The following SYNM variants were observed in gnomAD, a reference collection of about 807,000 sequenced individuals.
The protein encoded by SYNM is desmuslin.
SYNM carries 95 observed loss-of-function variants against 104.0 expected under a neutral mutation model. The ratio of observed to expected loss-of-function variants is 0.91; its 90% CI spans 0.77 to 1.08. The LOEUF (loss-of-function observed/expected upper bound fraction) is 1.08, where lower values mean the gene tolerates loss of function less well. SYNM is among the 50% of genes least tolerant of loss of function. The probability of loss-of-function intolerance (pLI) is 0.00; values close to 1 mark genes in which losing one functional copy is unlikely to be tolerated. For synonymous variants in SYNM, 918 were observed against 869.0 expected (o/e 1.06, Z -0.99); for missense variants, 2,150 against 2,052.2 (o/e 1.05, Z -0.92).
chr15:99,113,342 A>G (rs2067317071), intron 1 of SYNM, among the ~76,000 whole-genome samples: 1 of 152,238 alleles, frequency 6.6e-6, no homozygotes, highest in Admixed American at 6.5e-5. Flanking sequence ...CATTATTAAT[A>G]GAGAGTCTGA....
intron 2 of SYNM, 53 bp downstream of exon 2, chr15:99,113,768 C>T: frequency 6.2e-7 from 1 of 1,601,636 alleles, no homozygotes; most frequent in Non-Finnish European, 8.5e-7. Flanking sequence ...GTGTAACTTG[C>T]ACATGAAGGA....
the SYNM span, chr15:99,140,815 A>G: frequency 6.6e-6 from 1 of 152,240 alleles, no homozygotes; most frequent in African/African-American, 2.4e-5. Context: ...AAGACAAGCC[A>G]CGCTGAGGAA....
intron 2 of SYNM, among the ~76,000 whole-genome samples, chr15:99,117,635 A>G (rs1397575898): frequency 6.6e-6 from 1 of 152,114 alleles, no homozygotes; most frequent in Non-Finnish European, 1.5e-5. Flanking sequence ...TGCCTTTGGA[A>G]TTTTGAGCTC....
At chr15:99,138,957 G>A (rs1468588844), downstream of SYNM, among the ~76,000 whole-genome samples, 2 of 152,174 alleles carry the variant, frequency 1.3e-5, no homozygotes, top group Admixed American at 6.5e-5. Context: ...TGAACCTTCC[G>A]GCTCCAGTCC....
At chr15:99,114,916 TG>T (rs1256202063) in intron 2 of SYNM, among the ~76,000 whole-genome samples, 4 of 152,302 alleles carry the variant, frequency 2.6e-5, no homozygotes, top group African/African-American at 9.6e-5. Context: ...GAGACCCAGT[TG>T]CCCAACTTCA....
At chr15:99,122,152 T>C (rs1235464560) in intron 2 of SYNM, among the ~76,000 whole-genome samples, 1 of 152,166 alleles carries the variant, frequency 6.6e-6, no homozygotes, top group African/African-American at 2.4e-5. Flanking sequence ...TCAAAAAATA[T>C]TGTGTGTGCT....
intron 2 of SYNM, among the ~76,000 whole-genome samples, chr15:99,121,633 G>A (rs1394038549): frequency 6.6e-6 from 1 of 152,200 alleles, no homozygotes; most frequent in Non-Finnish European, 1.5e-5. Context: ...GTGAAGACCT[G>A]GTCCAGATCC....
rs1454399481 is a variant in SYNM, at chr15:99,105,849, A to C, written c.650A>C (p.Gln217Pro). The part of the protein sequence containing the change: ...RELEEALRRG[Q>P]ESRLQAEEET... The stretch of plus-strand genomic sequence containing the variant: ...CTGGAGGAGGCGCTGCGGCGCGGCC[A>C]GGAGAGCAGACTCCAGGCGGAGGAA... Residue 217 changes from glutamine to proline, a missense_variant, in exon 1 of 4, where the codon CAG becomes CCG. Transcript: ENST00000336292. 59 of 1,541,880 alleles carry C rather than the reference A, an allele frequency of 3.8e-5. No homozygotes were observed. Among genetic ancestry groups the C allele is most frequent in the African/African-American group, 8.3e-5 (6 of 72,144 alleles).
intron 2 of SYNM, 37 bp from the exon 3 acceptor site, chr15:99,126,685 T>G (rs782472497): frequency 1.9e-6 from 3 of 1,543,868 alleles, no homozygotes; most frequent in African/African-American, 2.7e-5. Context: ...TACTCTTTCG[T>G]TTCCTAATGA....
Position 99,133,098 on chromosome 15 carries a change from A to G in SYNM, c.*40A>G, listed in dbSNP as rs1555486298. The G allele has an allele frequency of 6.2e-7, 1 of 1,601,632 alleles. No homozygotes were observed. The highest frequency in any genetic ancestry group is 1.1e-5 in the South Asian group (1 of 89,636). On this transcript the variant is annotated 3_prime_UTR_variant, in exon 4 of 4. Coordinates refer to ENST00000336292, the MANE Select transcript of SYNM (RefSeq NM_145728.3). ...TTGTTTTAATGGCAGCCTGTTGGCG[A>G]CGTGCCAACATCCAAAGGCCTTAAC... is the stretch of plus-strand genomic sequence containing the variant.
rs1555486012 is a variant in SYNM at position 99,131,972 on chromosome 15, A to G, written c.3612A>G (p.Glu1204=). ...GTCCAGAGGCATGGGGCTCGCCAGA[A>G]CCTGGCCCAGCAGAGTCTTCTGCAG... ...PACPEAWGSP[E]PGPAESSADM... The change falls in exon 4 of 4, where the codon GAA becomes GAG. Residue 1204 remains glutamate (E), a synonymous_variant. Transcript: ENST00000336292. This position sits in a 1 kb window ranked among gnomAD's most constrained non-coding sequence, Gnocchi z 4.3. 3 of 1,613,954 alleles carry G rather than the reference A, an allele frequency of 1.9e-6. No homozygotes were observed. In the South Asian group the frequency reaches 3.3e-5, roughly 18 times the overall value.
Position 99,105,999 on chromosome 15 carries a change from A to G in SYNM, c.800A>G (p.Glu267Gly), listed in dbSNP as rs1195008115. The part of the protein sequence containing the change: ...RMREEYGIQA[E>G]ERQRVIDCLE... Reference sequence around the variant, plus strand: ...CGCGAGGAGTACGGGATACAGGCCGAGGAGCGGCAGGTCCGTGCGCGGGGA... The same window carrying G: ...CGCGAGGAGTACGGGATACAGGCCGGGGAGCGGCAGGTCCGTGCGCGGGGA... Residue 267 changes from glutamate to glycine, a missense_variant, in exon 1 of 4, where the codon GAG (glutamate) becomes GGG (glycine). By Grantham distance (98) the Glu-to-Gly change is moderately conservative (BLOSUM62 -2). Coordinates refer to ENST00000336292, the MANE Select transcript of SYNM (RefSeq NM_145728.3). The G allele has an allele frequency of 3.3e-5, 49 of 1,471,844 alleles. No individual in the cohort carries two copies. The highest frequency in any genetic ancestry group is 3.2e-4 in the South Asian group (24 of 74,228). The allele number at this position is 1,471,844 out of a possible 1,614,324, so 91.2% of individuals were successfully genotyped here.
At chr15:99,138,861 CTG>C (rs1189507085), downstream of SYNM, among the ~76,000 whole-genome samples, 2 of 152,232 alleles carry the variant, frequency 1.3e-5, no homozygotes, top group African/African-American at 4.8e-5. Flanking sequence ...GGACCAGGCT[CTG>C]TGAGGTAGGC....
chr15:99,111,520 C>G (rs1567274975), intron 1 of SYNM, among the ~76,000 whole-genome samples: 1 of 152,174 alleles, frequency 6.6e-6, no homozygotes, highest in Non-Finnish European at 1.5e-5. Flanking sequence ...GGCAGTTGCT[C>G]TTTGGTGAGC....
chr15:99,138,143 G>C, downstream of SYNM: 1 of 1,611,644 alleles, frequency 6.2e-7, no homozygotes, highest in Non-Finnish European at 8.5e-7. Context: ...GACAAGCAGA[G>C]GGTGGGGTGA....
rs5030699 is a variant in SYNM, at chr15:99,131,590, C to T, written c.3230C>T (p.Ser1077Leu). The T allele has an allele frequency of 0.088, 141,001 of 1,609,644 alleles. 6,521 individuals carry two copies. Among genetic ancestry groups the T allele is most frequent in the Admixed American group, 0.14 (8,543 of 59,858 alleles). ...GCCACCCGGGAGCTGTACATCCCTTCAGGCGAGAGCGAGGTTGCTGGTGGG... is the reference window on the plus strand; with the variant it reads ...GCCACCCGGGAGCTGTACATCCCTTTAGGCGAGAGCGAGGTTGCTGGTGGG... ...RWATRELYIP[S>L]GESEVAGGAS... Residue 1077 changes from serine to leucine, a missense_variant, in exon 4 of 4, where the codon TCA (serine) becomes TTA (leucine). Transcript: ENST00000336292. The surrounding 1 kb of genome is among the most constrained non-coding windows in gnomAD (Gnocchi z 4.3).
At chr15:99,114,307 A>G (rs2067326895) in intron 2 of SYNM, among the ~76,000 whole-genome samples, 1 of 152,124 alleles carries the variant, frequency 6.6e-6, no homozygotes, top group South Asian at 2.1e-4. Context: ...CCACTTTTAA[A>G]GCATCAGATC....
At position 99,105,897 on chromosome 15, in the gene SYNM, A is replaced by C. The variant is rs1381190808; in HGVS notation, c.698A>C (p.Glu233Ala). The change falls in exon 1 of 4, where the codon GAG becomes GCG. Residue 233 changes from glutamate to alanine, a missense_variant. Coordinates refer to ENST00000336292, the MANE Select transcript of SYNM (RefSeq NM_145728.3). ...AEEETRLCAQEAEALRREALG... is the reference protein window; with the variant it reads ...AEEETRLCAQAAEALRREALG... Reference sequence around the variant, plus strand: ...GAAGAGACGCGGCTGTGCGCGCAGGAGGCAGAGGCGCTGCGGCGCGAGGCG... The same window carrying C: ...GAAGAGACGCGGCTGTGCGCGCAGGCGGCAGAGGCGCTGCGGCGCGAGGCG... 2.0e-6 allele frequency: 3 copies of C among 1,534,480 alleles called. No individual in the cohort carries two copies. Among genetic ancestry groups the C allele is most frequent in the East Asian group, 2.5e-5 (1 of 40,414 alleles).
chr15:99,130,405 C>T lies in SYNM; in HGVS notation c.2045C>T (p.Thr682Ile). The stretch of plus-strand genomic sequence containing the variant: ...AAAGAGCTTCCTGGGGAAAGGAAAA[C>T]AAAGACTGAAATAGTTGTGGAGTCT... ...DRKELPGERK[T>I]KTEIVVESKL... is the part of the protein sequence containing the mutation. The change falls in exon 4 of 4, where the codon ACA becomes ATA. Residue 682 changes from threonine (T) to isoleucine (I), a missense_variant. By Grantham distance (89) the Thr-to-Ile change is moderately conservative. Transcript: ENST00000336292. The T allele has an allele frequency of 6.2e-7, 1 of 1,613,712 alleles. No homozygotes were observed. The highest frequency in any genetic ancestry group is 8.5e-7 in the Non-Finnish European group (1 of 1,179,816).
Sources: gnomAD v4.1 joint callset for allele counts (sites outside exome capture counted in the v4.1 genomes callset) on GRCh38, gnomAD v4.1.1 for gene constraint, Gnocchi (gnomAD v3.1) non-coding constraint, MANE v1.5 for transcripts, NCBI Gene and HGNC (gene_info 2026-07-23, HGNC 2026-07-21) for gene names.